The following COPB1 variants were observed in gnomAD, a reference collection of about 807,000 sequenced individuals.
COPB1 encodes coatomer subunit beta.
COPB1 carries 21 observed loss-of-function variants against 108.7 expected under a neutral mutation model. The observed-to-expected ratio is 0.19, with a 90% CI of 0.14 to 0.28. The LOEUF (loss-of-function observed/expected upper bound fraction) is 0.28. Among genes scored for constraint, COPB1 ranks in the 10% least tolerant of loss-of-function variants. The probability of loss-of-function intolerance (pLI) is 1.00; values close to 1 mark genes in which losing one functional copy is unlikely to be tolerated. For synonymous variants in COPB1, 378 were observed against 386.8 expected (o/e 0.98, Z 0.27); for missense variants, 919 against 1,141.3 (o/e 0.81, Z 2.81).
chr11:14,496,911 C>A (rs1243265409), intron 2 of COPB1, among the ~76,000 whole-genome samples: 1 of 152,182 alleles, frequency 6.6e-6, no homozygotes, highest in Non-Finnish European at 1.5e-5. Context: ...ACAGTGAACT[C>A]ATTTTGACAA....
Position 14,480,810 on chromosome 11 carries a change from C to T in COPB1, c.1161G>A (p.Leu387=). ...DKYRQLLVRT[L]HSCSVRFPDM... ...CTGGAAATCGGACAGAACAGGAATGCAATGTTCGCACTAGGAGTTGTCTGT... is the reference window on the plus strand; with the variant it reads ...CTGGAAATCGGACAGAACAGGAATGTAATGTTCGCACTAGGAGTTGTCTGT... Residue 387 remains leucine (L), a synonymous_variant, in exon 10 of 22, where the codon TTG becomes TTA. Coordinates refer to ENST00000439561, the MANE Select transcript of COPB1 (RefSeq NM_001144061.2). 6.2e-7 allele frequency: 1 copy of T among 1,614,004 alleles called. No homozygotes were observed. The highest frequency in any genetic ancestry group is 8.5e-7 in the Non-Finnish European group (1 of 1,179,918).
intron 7 of COPB1, among the ~76,000 whole-genome samples, chr11:14,484,122 G>A (rs1326740902): frequency 6.6e-6 from 1 of 152,110 alleles, no homozygotes; most frequent in Non-Finnish European, 1.5e-5. Flanking sequence ...ACAAACCCAA[G>A]TTACGGGATA....
At chr11:14,482,027 G>A (rs762556882) in intron 8 of COPB1, among the ~76,000 whole-genome samples, 5 of 152,004 alleles carry the variant, frequency 3.3e-5, no homozygotes, top group African/African-American at 1.2e-4. Flanking sequence ...CCTGACCTCA[G>A]GTGATCCACC....
At chr11:14,488,443 G>T in intron 6 of COPB1, 49 bp downstream of exon 6, 2 of 1,176,594 alleles carry the variant, frequency 1.7e-6, no homozygotes, top group Non-Finnish European at 2.5e-6. Context: ...ATTTAACCCT[G>T]TCTTAAACTG....
At chr11:14,482,909 T>G (rs1850692586) in intron 8 of COPB1, 123 bp downstream of exon 8, 1 of 808,890 alleles carries the variant, frequency 1.2e-6, no homozygotes, top group Non-Finnish European at 1.8e-6. Context: ...ACACTTTAGC[T>G]GATCAAAATA....
At position 14,475,919 on chromosome 11, in the gene COPB1, C is replaced by A. The variant is rs751842136; in HGVS notation, c.1482G>T (p.Lys494Asn). 5 of 1,610,086 alleles carry A rather than the reference C, an allele frequency of 3.1e-6. No homozygotes were observed. The highest frequency in any genetic ancestry group is 2.7e-5 in the African/African-American group (2 of 74,546). ...CAGGTTTTAATTCACCAGCTTCTTT[C>A]TTTATTTCTGACTCTACAATTGGGA... ...GEIPIVESEI[K>N]KEAGELKPEE... is the part of the protein sequence containing the mutation. Residue 494 changes from lysine (K) to asparagine (N), a missense_variant, in exon 13 of 22, where the codon AAG becomes AAT. Coordinates refer to ENST00000439561, the MANE Select transcript of COPB1 (RefSeq NM_001144061.2).
chr11:14,460,260 T>C lies in COPB1; in HGVS notation c.2594A>G (p.Tyr865Cys). Residue 865 changes from tyrosine to cysteine, a missense_variant, in exon 20 of 22, where the codon TAC (tyrosine) becomes TGC (cysteine). By Grantham distance (194) the Tyr-to-Cys change is radical. Transcript: ENST00000439561. ...VNTNMVDLND[Y>C]LQHILKSTNM... ...GGTTGACTTTAATATGTGCTGTAAG[T>C]AGTCATTTAAATCAACCATGTTGGT... 1 of 1,611,930 alleles carries C rather than the reference T, an allele frequency of 6.2e-7. No individual in the cohort carries two copies. Among genetic ancestry groups the C allele is most frequent in the South Asian group, 1.1e-5 (1 of 90,724 alleles).
intron 2 of COPB1, among the ~76,000 whole-genome samples, chr11:14,495,826 T>A (rs1010903179): frequency 2.6e-5 from 4 of 152,260 alleles, no homozygotes; most frequent in Admixed American, 6.5e-5. Context: ...TTAGGTATCC[T>A]GAGGATCTAA....
At chr11:14,474,329 T>G in intron 14 of COPB1, 166 bp downstream of exon 14, 1 of 501,800 alleles carries the variant, frequency 2.0e-6, no homozygotes, top group East Asian at 3.4e-5. Flanking sequence ...AGGAAGATAC[T>G]TTATCAATTT....
Position 14,458,574 on chromosome 11 carries a change from A to T in COPB1, c.2760T>A (p.Asp920Glu). 1 of 1,613,566 alleles carries T rather than the reference A, an allele frequency of 6.2e-7. No homozygotes were observed. The highest frequency in any genetic ancestry group is 8.5e-7 in the Non-Finnish European group (1 of 1,179,742). ...TTCTTATATGGCCGGTAACAGCAGC[A>T]TCTGGTCCCTGGTGAATTGGCTTCT... ...SIEKPIHQGP[D>E]AAVTGHIRIR... The change falls in exon 21 of 22, where the codon GAT becomes GAA. Residue 920 changes from aspartate to glutamate, a missense_variant. Asp to Glu is a conservative substitution (Grantham distance 45, BLOSUM62 2). Around this residue, in one of 5 missense-constraint regions of COPB1, gnomAD observed 705 missense variants for 817.8 expected, o/e 0.86. Coordinates refer to ENST00000439561, the MANE Select transcript of COPB1 (RefSeq NM_001144061.2).
intron 2 of COPB1, among the ~76,000 whole-genome samples, chr11:14,495,093 T>C (rs573659120): frequency 6.6e-6 from 1 of 152,338 alleles, no homozygotes; most frequent in African/African-American, 2.4e-5. Context: ...ACATTAAAGA[T>C]AAAATGCTAG....
Position 14,488,557 on chromosome 11 carries a change from A to G in COPB1, c.634T>C (p.Cys212Arg). 3.1e-6 allele frequency: 5 copies of G among 1,606,152 alleles called. No homozygotes were observed. Among genetic ancestry groups the G allele is most frequent in the Non-Finnish European group, 4.3e-6 (5 of 1,175,370 alleles). Residue 212 changes from cysteine (C) to arginine (R), a missense_variant, in exon 6 of 22, where the codon TGC becomes CGC. Around this residue, in one of 5 missense-constraint regions of COPB1, gnomAD observed 78 missense variants for 95.4 expected, o/e 0.82. Transcript: ENST00000439561. The stretch of plus-strand genomic sequence containing the variant: ...CCAAATGTTTGAACTTGATCAATGC[A>G]AGTACTTAAGTAATCCAAAGCTCGA... ...QDRALDYLST[C>R]IDQVQTFGDI... is the part of the protein sequence containing the mutation.
chr11:14,486,076 G>C (rs1183443816), intron 7 of COPB1, among the ~76,000 whole-genome samples: 8 of 152,116 alleles, frequency 5.3e-5, no homozygotes, highest in Admixed American at 5.2e-4. Context: ...CTCAGGAGTA[G>C]CAGAGGTAGA....
At chr11:14,462,646 T>C (rs2575828) in intron 18 of COPB1, among the ~76,000 whole-genome samples, 101,539 of 151,990 alleles carry the variant, frequency 0.67, 34,127 homozygotes, top group African/African-American at 0.71. Flanking sequence ...CTCTCTCTCT[T>C]GGAATTCACT....
chr11:14,460,246 A>G lies in COPB1; in HGVS notation c.2608T>C (p.Leu870=), dbSNP rs755297746. The change falls in exon 20 of 22, where the codon TTA becomes CTA. Residue 870 remains leucine (L), a synonymous_variant. Transcript: ENST00000439561. ...AGGCATTTCATATTGGTTGACTTTA[A>G]TATGTGCTGTAAGTAGTCATTTAAA... ...VDLNDYLQHI[L]KSTNMKCLTP... 6.2e-7 allele frequency: 1 copy of G among 1,612,340 alleles called. No homozygotes were observed. Among genetic ancestry groups the G allele is most frequent in the Non-Finnish European group, 8.5e-7 (1 of 1,179,000 alleles).
chr11:14,464,770 GC>G, intron 18 of COPB1, 140 bp downstream of exon 18: 2 of 894,890 alleles, frequency 2.2e-6, no homozygotes, highest in Non-Finnish European at 3.3e-6. Context: ...ATAGTTCAAT[GC>G]GTGGTACCAT....
Position 14,461,253 on chromosome 11 carries a change from A to G in COPB1, c.2489T>C (p.Ile830Thr). The stretch of plus-strand genomic sequence containing the variant: ...TGCATCAGTGCAAGTTGCAGGCTGG[A>G]TATAGTCCATGATGTCGATGTGAAT... ...SDIHIDIMDY[I>T]QPATCTDAEF... Residue 830 changes from isoleucine (I) to threonine (T), a missense_variant, in exon 19 of 22, where the codon ATC (isoleucine) becomes ACC (threonine). By Grantham distance (89) the Ile-to-Thr change is moderately conservative (BLOSUM62 -1). Transcript: ENST00000439561. 1.2e-6 allele frequency: 2 copies of G among 1,614,186 alleles called. No individual in the cohort carries two copies. Among genetic ancestry groups the G allele is most frequent in the Admixed American group, 1.7e-5 (1 of 60,034 alleles).
intron 10 of COPB1, 27 bp downstream of exon 10, chr11:14,480,732 A>T (rs1189260636): frequency 6.3e-7 from 1 of 1,580,734 alleles, no homozygotes; most frequent in Non-Finnish European, 8.6e-7. Context: ...AGATAATTTC[A>T]AAATTAAAGT....
At chr11:14,462,415 G>A (rs901812551) in intron 18 of COPB1, among the ~76,000 whole-genome samples, 3 of 152,018 alleles carry the variant, frequency 2.0e-5, no homozygotes, top group Non-Finnish European at 4.4e-5. Flanking sequence ...TGTATTTTTA[G>A]TAGAGATGTG....
Sources: allele counts gnomAD v4.1 joint callset (sites outside exome capture counted in the v4.1 genomes callset), GRCh38; gene constraint gnomAD v4.1.1; regional missense constraint gnomAD v4.1.1; transcripts MANE v1.5; gene names NCBI Gene and HGNC (gene_info 2026-07-23, HGNC 2026-07-21).